RSU1: variants seen among roughly 807,000 people sequenced by gnomAD.
RSU1 encodes rsu-1.
RSU1 carries 26 observed loss-of-function variants against 31.1 expected under a neutral mutation model. The observed-to-expected ratio is 0.84, with a 90% CI of 0.61 to 1.16. The LOEUF (loss-of-function observed/expected upper bound fraction) is 1.16, where lower values mean the gene tolerates loss of function less well. Among genes scored for constraint, RSU1 ranks in the 50% most tolerant of loss-of-function variants. The pLI, the probability that RSU1 is intolerant of heterozygous loss-of-function variation, is 0.00. For synonymous variants in RSU1, 164 were observed against 136.3 expected (o/e 1.20, Z -1.41); for missense variants, 320 against 339.1 (o/e 0.94, Z 0.44).
chr10:16,591,847 A>G lies in RSU1; in HGVS notation c.*1547T>C, dbSNP rs1350855390. On this transcript the variant is annotated 3_prime_UTR_variant, in exon 9 of 9. Transcript: ENST00000345264. Reference sequence around the variant, plus strand: ...TGCAATCTCAAAAGCTCAAAAGTCAATTAAAAAAATTCAGGCAGAGGCATA... The same window carrying G: ...TGCAATCTCAAAAGCTCAAAAGTCAGTTAAAAAAATTCAGGCAGAGGCATA... The G allele has an allele frequency of 6.6e-6, 1 of 152,224 alleles. No homozygotes were observed. The highest frequency in any genetic ancestry group is 1.5e-5 in the Non-Finnish European group (1 of 68,042). 9.4% of individuals were successfully genotyped at this position (152,224 alleles called of 1,614,324 possible). A position where few individuals can be genotyped will look rare whatever the true frequency, so the allele number is the denominator to read the frequency against.
At chr10:16,728,718 T>C (rs1310317146) in intron 7 of RSU1, among the ~76,000 whole-genome samples, 1 of 152,180 alleles carries the variant, frequency 6.6e-6, no homozygotes, top group Non-Finnish European at 1.5e-5. Context: ...CCTGATATAA[T>C]TGCAGTGGTG....
intron 7 of RSU1, among the ~76,000 whole-genome samples, chr10:16,718,749 G>A (rs1434659551): frequency 6.6e-6 from 1 of 152,190 alleles, no homozygotes; most frequent in Non-Finnish European, 1.5e-5. Context: ...GGGAGGCTGA[G>A]GCGGGCAGAT....
At chr10:16,593,536 C>T in intron 8 of RSU1, 40 bp from the exon 9 acceptor site, 2 of 1,489,454 alleles carry the variant, frequency 1.3e-6, no homozygotes, top group Non-Finnish European at 9.4e-7. Context: ...ATCTATTTTG[C>T]CAACACAAGA....
In RSU1 at chr10:16,785,270, T is replaced by C. The variant is rs556590052; in HGVS notation, c.110-3186A>G. 1.3e-4 allele frequency among the ~76,000 whole-genome samples: 20 copies of C among 152,082 alleles called. No homozygotes were observed. The South Asian group carries it at 4.1e-3, about 32-fold the overall frequency. ...CTGGATGCTCGCTGCCCTCGAATGTTGGACTCCAAGTTCTTCACCTTTGGA... is the reference window on the plus strand; with the variant it reads ...CTGGATGCTCGCTGCCCTCGAATGTCGGACTCCAAGTTCTTCACCTTTGGA... On this transcript the variant is annotated intron_variant, in intron 2 of 8. Transcript: ENST00000345264.
chr10:16,735,184 A>G (rs1252743238), intron 7 of RSU1, among the ~76,000 whole-genome samples: 1 of 152,262 alleles, frequency 6.6e-6, no homozygotes, highest in Non-Finnish European at 1.5e-5. Flanking sequence ...GCATTAACAG[A>G]TAAGTTAAAA....
chr10:16,598,244 AAGC>A (rs1833654554), intron 8 of RSU1, among the ~76,000 whole-genome samples: 2 of 152,148 alleles, frequency 1.3e-5, no homozygotes, highest in African/African-American at 2.4e-5. Context: ...CCTTATAAGA[AAGC>A]AGCAGGAGGG....
chr10:16,672,775 A>T (rs1384687246), intron 8 of RSU1, among the ~76,000 whole-genome samples: 1 of 152,190 alleles, frequency 6.6e-6, no homozygotes, highest in Non-Finnish European at 1.5e-5. Context: ...GCATAAAAAA[A>T]CCCTTGGGGA....
chr10:16,606,997 A>G (rs1478316642), intron 8 of RSU1, among the ~76,000 whole-genome samples: 1 of 152,046 alleles, frequency 6.6e-6, no homozygotes, highest in African/African-American at 2.4e-5. Flanking sequence ...TATAGTTTGG[A>G]TCTGTGTTCC....
chr10:16,767,087 C>T (rs1210729432), intron 3 of RSU1: 2 of 151,928 alleles, frequency 1.3e-5, no homozygotes, highest in African/African-American at 4.8e-5. Context: ...ATGTCATCTT[C>T]TCCCCCCAGA....
intron 8 of RSU1, among the ~76,000 whole-genome samples, chr10:16,612,890 C>T (rs1420733044): frequency 2.0e-5 from 3 of 151,718 alleles, no homozygotes; most frequent in African/African-American, 7.3e-5. Flanking sequence ...CAACCTTCCC[C>T]CCTCCTCTTC....
chr10:16,618,684 T>C (rs1834020668), intron 8 of RSU1, among the ~76,000 whole-genome samples: 1 of 152,122 alleles, frequency 6.6e-6, no homozygotes, highest in African/African-American at 2.4e-5. Context: ...TGCAGGGACA[T>C]GGATGAAGCT....
chr10:16,769,184 G>T (rs1217341965), intron 3 of RSU1, among the ~76,000 whole-genome samples: 1 of 152,166 alleles, frequency 6.6e-6, no homozygotes, highest in Admixed American at 6.5e-5. Context: ...AATAGAGTAA[G>T]GAAGATTCTG....
intron 8 of RSU1, among the ~76,000 whole-genome samples, chr10:16,680,265 A>G (rs1835305398): frequency 1.3e-5 from 2 of 152,104 alleles, no homozygotes; most frequent in South Asian, 4.1e-4. Flanking sequence ...CAGCAGACAC[A>G]GGCCTGTGTC....
chr10:16,604,700 C>A (rs1833771778), intron 8 of RSU1, among the ~76,000 whole-genome samples: 1 of 152,144 alleles, frequency 6.6e-6, no homozygotes, highest in African/African-American at 2.4e-5. Flanking sequence ...AGTTTAAATA[C>A]CGTGATGTGA....
intron 7 of RSU1, among the ~76,000 whole-genome samples, chr10:16,717,942 G>A (rs1836176492): frequency 6.6e-6 from 1 of 152,018 alleles, no homozygotes; most frequent in Non-Finnish European, 1.5e-5. Flanking sequence ...AGTATTTTTG[G>A]AAAGCCAACT....
intron 2 of RSU1, among the ~76,000 whole-genome samples, chr10:16,785,055 T>C (rs1329678357): frequency 1.3e-5 from 2 of 152,170 alleles, no homozygotes; most frequent in Admixed American, 6.5e-5. Flanking sequence ...ATGCTAAGTA[T>C]TGATCCTAGG....
At chr10:16,775,834 A>C (rs1202796700) in intron 3 of RSU1, among the ~76,000 whole-genome samples, 1 of 152,240 alleles carries the variant, frequency 6.6e-6, no homozygotes, top group Non-Finnish European at 1.5e-5. Flanking sequence ...GCAGAGAAGC[A>C]AACTGATAAA....
At chr10:16,737,686 A>G (rs923464808) in intron 7 of RSU1, among the ~76,000 whole-genome samples, 1 of 151,808 alleles carries the variant, frequency 6.6e-6, no homozygotes, top group African/African-American at 2.4e-5. Flanking sequence ...GAAATGGTAA[A>G]TAGAGAAGCG....
intron 8 of RSU1, among the ~76,000 whole-genome samples, chr10:16,625,453 A>G (rs575081162): frequency 6.6e-6 from 1 of 152,338 alleles, no homozygotes; most frequent in Non-Finnish European, 1.5e-5. Context: ...CACTGAAAGA[A>G]GCAAAGCGGT....
Sources: allele counts gnomAD v4.1 joint callset (sites outside exome capture counted in the v4.1 genomes callset), GRCh38; gene constraint gnomAD v4.1.1; transcripts MANE v1.5; gene names NCBI Gene and HGNC (gene_info 2026-07-23, HGNC 2026-07-21).